The following PDZD2 variants were observed in gnomAD, a reference collection of about 807,000 sequenced individuals.
The protein encoded by PDZD2 is PDZ domain-containing protein 2.
PDZD2 carries 90 observed loss-of-function variants against 220.7 expected under a neutral mutation model. The ratio of observed to expected loss-of-function variants is 0.41; its 90% confidence interval spans 0.34 to 0.49. PDZD2 has a LOEUF of 0.49. Ranked by LOEUF, PDZD2 falls within the 20% of genes least tolerant of loss-of-function variation. The probability of loss-of-function intolerance (pLI) is 0.28; values close to 1 mark genes in which losing one functional copy is unlikely to be tolerated. For missense variants in PDZD2, 3,174 were observed against 3,608.5 expected (o/e 0.88, Z 3.08); for synonymous variants, 1,375 against 1,450.5 (o/e 0.95, Z 1.18).
chr5:31,763,870 T>TTAAAAAAA (rs1401600794), intron 1 of PDZD2, among the ~76,000 whole-genome samples: 1,417 of 137,464 alleles, frequency 0.01, 25 homozygotes, highest in South Asian at 0.048. Flanking sequence ...GCCCTCTGAT[T>TTAAAAAAA]AAAAAAAAAA....
At chr5:31,747,409 T>C (rs887831182) in intron 1 of PDZD2, among the ~76,000 whole-genome samples, 1 of 152,190 alleles carries the variant, frequency 6.6e-6, no homozygotes, top group Non-Finnish European at 1.5e-5. Flanking sequence ...TCTTCAGTGA[T>C]AGGATGCTCC....
At chr5:31,925,209 A>G (rs1744634080) in intron 2 of PDZD2, among the ~76,000 whole-genome samples, 1 of 152,230 alleles carries the variant, frequency 6.6e-6, no homozygotes, top group African/African-American at 2.4e-5. Context: ...ACCTGCCTTC[A>G]GACTATACAT....
At chr5:31,814,593 C>CA (rs1259910057) in intron 2 of PDZD2, among the ~76,000 whole-genome samples, 1 of 152,068 alleles carries the variant, frequency 6.6e-6, no homozygotes, top group Non-Finnish European at 1.5e-5. Context: ...GAGGCCAAGG[C>CA]AGGTGGATCA....
At chr5:31,986,349 T>C (rs1009056032) in intron 3 of PDZD2, among the ~76,000 whole-genome samples, 3 of 152,178 alleles carry the variant, frequency 2.0e-5, no homozygotes, top group Non-Finnish European at 4.4e-5. Context: ...GGTCATACTT[T>C]TTGTCTTGGT....
chr5:31,890,046 C>T (rs1336207848), intron 2 of PDZD2, among the ~76,000 whole-genome samples: 1 of 148,312 alleles, frequency 6.7e-6, no homozygotes, highest in African/African-American at 2.5e-5. Flanking sequence ...AAAACAAACA[C>T]CCCCCCACCC....
chr5:31,695,428 C>T (rs1264437289), intron 1 of PDZD2, among the ~76,000 whole-genome samples: 1 of 152,206 alleles, frequency 6.6e-6, no homozygotes, highest in African/African-American at 2.4e-5. Flanking sequence ...CAGAATCTGA[C>T]CTCACACTTG....
intron 2 of PDZD2, among the ~76,000 whole-genome samples, chr5:31,803,383 G>A (rs1275218612): frequency 2.0e-5 from 3 of 150,420 alleles, no homozygotes; most frequent in Non-Finnish European, 4.4e-5. Context: ...GATTACAGGT[G>A]TGAGTCACTG....
intron 1 of PDZD2, among the ~76,000 whole-genome samples, chr5:31,764,905 T>C (rs528677659): frequency 5.3e-5 from 8 of 152,108 alleles, no homozygotes; most frequent in East Asian, 1.9e-4. Flanking sequence ...GGAAAAACCC[T>C]GTATCTACTA....
At chr5:31,847,679 C>G (rs1757664619) in intron 2 of PDZD2, 1 of 608,564 alleles carries the variant, frequency 1.6e-6, no homozygotes, top group Non-Finnish European at 3.1e-6. Flanking sequence ...GATGGCCAGC[C>G]CGGTGCCTTT....
chr5:32,090,767 C>T lies in PDZD2; in HGVS notation c.7319C>T (p.Ser2440Leu). The change falls in exon 20 of 25, where the codon TCG becomes TTG. Residue 2440 changes from serine to leucine, a missense_variant. Transcript: ENST00000438447. This position sits in a 1 kb window ranked among gnomAD's most constrained non-coding sequence, Gnocchi z 4.3. ...GAGACCAGTAGCAAGGGCTCTGATT[C>T]GGAACTAAAGAAATCACTTGGTCCT... ...PPETSSKGSD[S>L]ELKKSLGPLG... 8.7e-6 allele frequency: 14 copies of T among 1,614,162 alleles called. No homozygotes were observed. The highest frequency in any genetic ancestry group is 1.2e-5 in the Non-Finnish European group (14 of 1,180,028).
rs539910861 is a variant in PDZD2 at position 31,827,649 on chromosome 5, G to A, written c.476+27925G>A. Among the ~76,000 whole-genome samples, 150 of 148,070 alleles carry A rather than the reference G, an allele frequency of 1.0e-3. 1 individual carries two copies. The Middle Eastern group carries it at 0.014, about 14-fold the overall frequency. ...AGAGGTTGCAGTGAGCTGAGATCAC[G>A]CCACTGCACTCCAGCCTGGGTGATA... On this transcript the variant is annotated intron_variant, in intron 2 of 24. Transcript: ENST00000438447.
chr5:31,818,991 T>A (rs1296360902), intron 2 of PDZD2, among the ~76,000 whole-genome samples: 6 of 152,216 alleles, frequency 3.9e-5, no homozygotes. Flanking sequence ...ACCATGTGCA[T>A]GAGATAGAAT....
At chr5:31,767,025 GC>G (rs1375328185) in intron 1 of PDZD2, among the ~76,000 whole-genome samples, 2 of 96,546 alleles carry the variant, frequency 2.1e-5, no homozygotes, top group African/African-American at 5.5e-5. Context: ...ACTGCACCCA[GC>G]CTTTTTTTTT....
chr5:32,053,596 CA>C (rs1225496687), intron 9 of PDZD2, among the ~76,000 whole-genome samples, 172 bp from the exon 10 acceptor site: 1 of 152,220 alleles, frequency 6.6e-6, no homozygotes, highest in Non-Finnish European at 1.5e-5. Context: ...GAAGAGAACA[CA>C]AACTTGAGTT....
chr5:32,096,510 G>A (rs1264227860), intron 21 of PDZD2, among the ~76,000 whole-genome samples: 1 of 152,172 alleles, frequency 6.6e-6, no homozygotes, highest in Admixed American at 6.5e-5. Context: ...GTAGAGACGG[G>A]GTTTCGCCAT....
chr5:31,725,369 TC>T (rs1749062105), intron 1 of PDZD2, among the ~76,000 whole-genome samples: 1 of 150,998 alleles, frequency 6.6e-6, no homozygotes, highest in African/African-American at 2.4e-5. Flanking sequence ...GAGTGGCTTC[TC>T]AACAGCATAT....
intron 6 of PDZD2, among the ~76,000 whole-genome samples, chr5:32,036,093 G>A (rs531744953): frequency 3.3e-5 from 5 of 152,158 alleles, no homozygotes; most frequent in East Asian, 1.9e-4. Flanking sequence ...ACAGGCACCC[G>A]CCACCATGCC....
At chr5:31,955,542 C>A (rs1397920224) in intron 2 of PDZD2, among the ~76,000 whole-genome samples, 1 of 152,042 alleles carries the variant, frequency 6.6e-6, no homozygotes, top group East Asian at 1.9e-4. Flanking sequence ...CTCAGGTGAT[C>A]TGCCCCACCT....
At chr5:31,904,649 T>C (rs1329736024) in intron 2 of PDZD2, among the ~76,000 whole-genome samples, 4 of 152,066 alleles carry the variant, frequency 2.6e-5, no homozygotes, top group Non-Finnish European at 5.9e-5. Context: ...TCCCTCAGCC[T>C]CCCAAGTAGC....
Sources: allele counts gnomAD v4.1 joint callset (sites outside exome capture counted in the v4.1 genomes callset), GRCh38; gene constraint gnomAD v4.1.1; non-coding constraint Gnocchi (gnomAD v3.1); transcripts MANE v1.5; gene names NCBI Gene and HGNC (gene_info 2026-07-23, HGNC 2026-07-21).